The following ERCC6L2 variants were observed in gnomAD, a reference collection of about 807,000 sequenced individuals.
ERCC6L2 encodes the protein ERCC excision repair 6 like 2.
Under a neutral mutation model 132.0 loss-of-function variants are expected in ERCC6L2, and 77 were observed. The ratio of observed to expected loss-of-function variants is 0.58; its 90% CI spans 0.49 to 0.71. The LOEUF (loss-of-function observed/expected upper bound fraction) is 0.71, where lower values mean the gene tolerates loss of function less well. Among genes scored for constraint, ERCC6L2 ranks in the 30% least tolerant of loss-of-function variants. The pLI is 0.00. For missense variants in ERCC6L2, 1,542 were observed against 1,837.6 expected, an observed-to-expected ratio of 0.84 and a Z score of 2.94; for synonymous variants, 583 against 632.4, an observed-to-expected ratio of 0.92 and a Z score of 1.17.
At chr9:95,931,284 C>G (rs1830327028) in intron 11 of ERCC6L2, among the ~76,000 whole-genome samples, 1 of 152,194 alleles carries the variant, frequency 6.6e-6, no homozygotes, top group Admixed American at 6.5e-5. Context: ...CTCATTCACA[C>G]ATTCTCTTCT....
chr9:95,922,279 T>C, intron 7 of ERCC6L2, 26 bp from the exon 8 acceptor site: 1 of 1,299,028 alleles, frequency 7.7e-7, no homozygotes, highest in Non-Finnish European at 1.1e-6. Context: ...TGGTCCTTTT[T>C]ATTTTCTATA....
chr9:95,912,901 A>AAGTC (rs1829409110), intron 4 of ERCC6L2, among the ~76,000 whole-genome samples: 2 of 152,212 alleles, frequency 1.3e-5, no homozygotes, highest in Non-Finnish European at 2.9e-5. Context: ...GCTTAAATAG[A>AAGTC]TTCAGATTAA....
chr9:96,031,632 G>A (rs1834461600), intron 19 of ERCC6L2, among the ~76,000 whole-genome samples: 1 of 152,254 alleles, frequency 6.6e-6, no homozygotes, highest in Non-Finnish European at 1.5e-5. Flanking sequence ...AGGGGCTGGG[G>A]TGGCAGCATG....
chr9:96,016,792 A>T lies in ERCC6L2; in HGVS notation c.*3589A>T, dbSNP rs1834192805. On this transcript the variant is annotated 3_prime_UTR_variant, in exon 19 of 19. Coordinates refer to ENST00000653738, the MANE Select transcript of ERCC6L2 (RefSeq NM_020207.7). ...TAGATCATACCTTTTGGTCTTTTTCATTGTCCTTACATAAAAGTTGGTAAT... is the reference window on the plus strand; with the variant it reads ...TAGATCATACCTTTTGGTCTTTTTCTTTGTCCTTACATAAAAGTTGGTAAT... 6.6e-6 allele frequency among the ~76,000 whole-genome samples: 1 copy of T among 152,264 alleles called. No individual in the cohort carries two copies. Among genetic ancestry groups the T allele is most frequent in the Non-Finnish European group, 1.5e-5 (1 of 68,010 alleles).
chr9:95,916,459 A>G, intron 6 of ERCC6L2, 25 bp downstream of exon 6: 2 of 1,450,148 alleles, frequency 1.4e-6, no homozygotes, highest in Non-Finnish European at 1.8e-6. Context: ...TGTATATATT[A>G]TTAATTTGTG....
intron 1 of ERCC6L2, among the ~76,000 whole-genome samples, chr9:95,879,211 A>G (rs1296206929): frequency 6.6e-6 from 1 of 152,104 alleles, no homozygotes. Context: ...CTGGTGTGAG[A>G]TGGTATCTCA....
At position 96,012,459 on chromosome 9, in the gene ERCC6L2, T is replaced by G. The variant is rs781096281; in HGVS notation, c.3909T>G (p.Leu1303=). 6.6e-6 allele frequency: 9 copies of G among 1,366,884 alleles called. No individual in the cohort carries two copies. In the Middle Eastern group the frequency reaches 6.3e-4, roughly 95 times the overall value. The allele number at this position is 1,366,884 out of a possible 1,614,324, so 84.7% of individuals were successfully genotyped here. The part of the protein sequence containing the change: ...TRKKSDKRES[L]IKPRLSDSET... ...AGAAATCTGATAAAAGAGAATCTCT[T>G]ATAAAACCAAGGCTGTCAGATTCTG... Residue 1303 remains leucine, a synonymous_variant, in exon 19 of 19, where the codon CTT becomes CTG. Transcript: ENST00000653738.
At chr9:96,028,850 A>G (rs898713937) in intron 19 of ERCC6L2, among the ~76,000 whole-genome samples, 1 of 152,236 alleles carries the variant, frequency 6.6e-6, no homozygotes, top group Non-Finnish European at 1.5e-5. Flanking sequence ...ATTGTGTGAT[A>G]TATTCACACA....
chr9:96,036,658 C>T (rs967137485), intron 19 of ERCC6L2, among the ~76,000 whole-genome samples: 4 of 152,206 alleles, frequency 2.6e-5, no homozygotes, highest in South Asian at 2.1e-4. Flanking sequence ...CAATTTCTCA[C>T]GTCCTTTCCA....
intron 4 of ERCC6L2, 62 bp from the exon 5 acceptor site, chr9:95,915,606 A>T: frequency 6.7e-7 from 1 of 1,490,794 alleles, no homozygotes; most frequent in Non-Finnish European, 9.0e-7. Context: ...TACTGTCTAA[A>T]ATTGTAAGGA....
At chr9:96,025,332 G>A (rs145388571) in intron 19 of ERCC6L2, among the ~76,000 whole-genome samples, 101 of 152,172 alleles carry the variant, frequency 6.6e-4, no homozygotes, top group Admixed American at 9.8e-4. Flanking sequence ...GGTCCAGCTC[G>A]CCTGGTGCTT....
chr9:95,924,937 G>A lies in ERCC6L2; in HGVS notation c.1533+1558G>A, dbSNP rs1038452413. ...GCTAGGGATATATTTTTAGGACTAT[G>A]TTAAATCATTTGACTAACAGCATCA... On this transcript the variant is annotated intron_variant, in intron 9 of 18. Coordinates refer to ENST00000653738, the MANE Select transcript of ERCC6L2 (RefSeq NM_020207.7). 4.6e-5 allele frequency among the ~76,000 whole-genome samples: 7 copies of A among 152,100 alleles called. No homozygotes were observed. The South Asian group carries it at 6.2e-4, about 14-fold the overall frequency.
At position 96,004,576 on chromosome 9, in the gene ERCC6L2, A is replaced by C. The variant is rs140801226; in HGVS notation, c.3549A>C (p.Gln1183His). Residue 1183 changes from glutamine (Q) to histidine (H), a missense_variant, in exon 18 of 19, where the codon CAA becomes CAC. Coordinates refer to ENST00000653738, the MANE Select transcript of ERCC6L2 (RefSeq NM_020207.7). ...DTLPHTKKGQ[Q>H]PSEGSISLPL... is the part of the protein sequence containing the mutation. ...TGCCACACACAAAGAAAGGCCAGCAACCGAGTGAAGGCAGCATTTCACTTC... is the reference window on the plus strand; with the variant it reads ...TGCCACACACAAAGAAAGGCCAGCACCCGAGTGAAGGCAGCATTTCACTTC... The C allele has an allele frequency of 7.6e-7, 1 of 1,311,430 alleles. No individual in the cohort carries two copies. Among genetic ancestry groups the C allele is most frequent in the African/African-American group, 1.5e-5 (1 of 66,158 alleles). 81.2% of individuals were successfully genotyped at this position (1,311,430 alleles called of 1,614,324 possible).
intron 16 of ERCC6L2, among the ~76,000 whole-genome samples, chr9:95,976,775 G>A (rs1832690053): frequency 6.6e-6 from 1 of 152,108 alleles, no homozygotes; most frequent in Non-Finnish European, 1.5e-5. Context: ...TCTGTATGGT[G>A]ATTTTAAGAG....
In ERCC6L2 at chr9:95,993,198, C is replaced by A. The variant is rs370629700; in HGVS notation, c.3493-11322C>A. On this transcript the variant is annotated intron_variant, in intron 17 of 18. Transcript: ENST00000653738. ...CCCCAAGATGATCCTCAGAAAGGTA[C>A]AGAATCTCCCCAAATGGAAAGAGTA... Among the ~76,000 whole-genome samples the A allele has an allele frequency of 2.6e-4, 40 of 152,284 alleles. 1 individual carries two copies. The Middle Eastern group carries it at 0.014, about 52-fold the overall frequency.
intron 17 of ERCC6L2, among the ~76,000 whole-genome samples, chr9:95,983,020 A>C (rs1832952604): frequency 6.6e-6 from 1 of 152,190 alleles, no homozygotes; most frequent in Non-Finnish European, 1.5e-5. Flanking sequence ...ACACCTTGCA[A>C]GAAAGGCATT....
At chr9:95,923,515 A>G (rs3824492) in intron 9 of ERCC6L2, 136 bp downstream of exon 9, 260,814 of 958,052 alleles carry the variant, frequency 0.27, 38,411 homozygotes, top group East Asian at 0.41. Context: ...AAGTGGTGCA[A>G]TTGTATCAGC....
chr9:95,917,150 T>C (rs1829638588), intron 6 of ERCC6L2, among the ~76,000 whole-genome samples: 1 of 152,218 alleles, frequency 6.6e-6, no homozygotes, highest in Admixed American at 6.5e-5. Context: ...GGTTAAGAGC[T>C]TTTTAAAAAA....
At chr9:95,939,931 C>A (rs1830721064) in intron 11 of ERCC6L2, among the ~76,000 whole-genome samples, 1 of 152,078 alleles carries the variant, frequency 6.6e-6, no homozygotes, top group Non-Finnish European at 1.5e-5. Flanking sequence ...TTTTAGTACA[C>A]CTCCTCTTTG....
Sources: allele counts gnomAD v4.1 joint callset (sites outside exome capture counted in the v4.1 genomes callset), GRCh38; gene constraint gnomAD v4.1.1; transcripts MANE v1.5; gene names NCBI Gene and HGNC (gene_info 2026-07-23, HGNC 2026-07-21).